GUCY1A2: variants seen among roughly 807,000 people sequenced by gnomAD.
GUCY1A2 encodes the protein guanylate cyclase soluble subunit alpha-2.
Under a neutral mutation model 63.5 loss-of-function variants are expected in GUCY1A2, and 27 were observed. The observed-to-expected ratio is 0.43, with a 90% CI of 0.31 to 0.59. GUCY1A2 has a LOEUF of 0.59. GUCY1A2 is among the 20% of genes least tolerant of loss of function. GUCY1A2 has a pLI of 0.11. For synonymous variants in GUCY1A2, 364 were observed against 343.5 expected, an observed-to-expected ratio of 1.06 and a Z score of -0.66; for missense variants, 768 against 913.3, an observed-to-expected ratio of 0.84 and a Z score of 2.05.
intron 2 of GUCY1A2, among the ~76,000 whole-genome samples, chr11:106,981,153 C>T (rs1861330216): frequency 6.6e-6 from 1 of 152,136 alleles, no homozygotes. Context: ...GAAGCTAGAT[C>T]ATTTTTAGAT....
intron 4 of GUCY1A2, among the ~76,000 whole-genome samples, chr11:106,865,563 C>T (rs550054488): frequency 7.9e-5 from 12 of 152,046 alleles, no homozygotes; most frequent in African/African-American, 2.4e-4. Flanking sequence ...GAAAACCAAA[C>T]ACCGCATGTT....
At chr11:106,971,241 G>GTA (rs1861190773) in intron 3 of GUCY1A2, among the ~76,000 whole-genome samples, 1 of 151,746 alleles carries the variant, frequency 6.6e-6, no homozygotes, top group Admixed American at 6.6e-5. Flanking sequence ...GTGTGTGTGT[G>GTA]TGTTTAGGAG....
intron 7 of GUCY1A2, among the ~76,000 whole-genome samples, chr11:106,694,728 C>T (rs17563662): frequency 0.093 from 14,162 of 152,204 alleles, 885 homozygotes; most frequent in Non-Finnish European, 0.14. Flanking sequence ...GCTGTGGCCA[C>T]GGCTCCTGAC....
chr11:107,001,373 T>C (rs1565356169), intron 1 of GUCY1A2, among the ~76,000 whole-genome samples: 1 of 152,160 alleles, frequency 6.6e-6, no homozygotes, highest in Admixed American at 6.5e-5. Context: ...TAGTATATAA[T>C]GTAAGTTGAC....
chr11:106,865,338 C>T (rs887750276), intron 4 of GUCY1A2, among the ~76,000 whole-genome samples: 1 of 151,912 alleles, frequency 6.6e-6, no homozygotes, highest in African/African-American at 2.4e-5. Context: ...AAACCAGATC[C>T]TGGATTCATT....
chr11:106,951,472 T>G (rs193028588), intron 3 of GUCY1A2, among the ~76,000 whole-genome samples: 6 of 152,366 alleles, frequency 3.9e-5, no homozygotes, highest in Admixed American at 3.9e-4. Context: ...TGCTTTTCAT[T>G]TGCATTTCTC....
intron 7 of GUCY1A2, among the ~76,000 whole-genome samples, chr11:106,696,334 T>C (rs1862718893): frequency 6.6e-6 from 1 of 152,126 alleles, no homozygotes; most frequent in Non-Finnish European, 1.5e-5. Context: ...AAGTGAGAGA[T>C]TAGAAAAGAT....
intron 4 of GUCY1A2, among the ~76,000 whole-genome samples, chr11:106,830,875 A>G (rs1859041425): frequency 6.6e-6 from 1 of 152,206 alleles, no homozygotes; most frequent in Non-Finnish European, 1.5e-5. Flanking sequence ...CACAACAACT[A>G]CTATCAATTA....
chr11:106,792,718 C>G (rs564711427), intron 5 of GUCY1A2, among the ~76,000 whole-genome samples: 1 of 152,068 alleles, frequency 6.6e-6, no homozygotes, highest in Non-Finnish European at 1.5e-5. Context: ...GACAAGGATG[C>G]CTTCTCTTGC....
chr11:106,691,816 A>G (rs1018975602), intron 7 of GUCY1A2, among the ~76,000 whole-genome samples: 2 of 152,210 alleles, frequency 1.3e-5, no homozygotes, highest in East Asian at 3.8e-4. Context: ...AGTAAAAATG[A>G]GAGCACATAA....
intron 4 of GUCY1A2, among the ~76,000 whole-genome samples, chr11:106,819,256 A>G (rs991838260): frequency 3.9e-5 from 6 of 152,210 alleles, no homozygotes; most frequent in Admixed American, 3.9e-4. Flanking sequence ...AAATGACAAC[A>G]AAAGATTTAG....
rs1860719077 is a variant in GUCY1A2, at chr11:106,939,283, C to A, written c.1206+177G>T. Among the ~76,000 whole-genome samples the A allele has an allele frequency of 2.0e-5, 3 of 152,302 alleles. No individual in the cohort carries two copies. The South Asian group carries it at 6.2e-4, about 32-fold the overall frequency. ...ATTAATGGAGGAGGCAGACACTATG[C>A]AAAATGGCTGGGAATGAGGCCAAAT... On this transcript the variant is annotated intron_variant, in intron 4 of 7. Transcript: ENST00000526355.
chr11:106,826,029 T>C (rs1858966201), intron 4 of GUCY1A2, among the ~76,000 whole-genome samples: 1 of 152,210 alleles, frequency 6.6e-6, no homozygotes, highest in South Asian at 2.1e-4. Context: ...CAGCCATATT[T>C]TGACATTTCA....
chr11:106,746,543 C>G, intron 6 of GUCY1A2: 3 of 1,518,864 alleles, frequency 2.0e-6, no homozygotes, highest in Non-Finnish European at 2.7e-6. Context: ...ATAAGTGAAG[C>G]TCATTACCTT....
intron 1 of GUCY1A2, among the ~76,000 whole-genome samples, chr11:107,011,493 T>C (rs1469912577): frequency 6.7e-6 from 1 of 148,222 alleles, no homozygotes; most frequent in African/African-American, 2.5e-5. Flanking sequence ...AAAAGGAATA[T>C]ATAATCAGGA....
chr11:106,732,584 G>A (rs145230907), intron 6 of GUCY1A2, among the ~76,000 whole-genome samples: 1 of 152,174 alleles, frequency 6.6e-6, no homozygotes, highest in African/African-American at 2.4e-5. Flanking sequence ...TGGTGGTAAT[G>A]ATGATGATGA....
intron 1 of GUCY1A2, among the ~76,000 whole-genome samples, chr11:106,995,742 T>A (rs757647750): frequency 2.6e-5 from 4 of 152,228 alleles, no homozygotes; most frequent in Admixed American, 2.0e-4. Flanking sequence ...AAACTGACCA[T>A]GTCTAACATC....
chr11:106,951,449 T>C (rs766409081), intron 3 of GUCY1A2, among the ~76,000 whole-genome samples: 15 of 152,358 alleles, frequency 9.8e-5, no homozygotes, highest in Admixed American at 3.9e-4. Context: ...TGGCGTGAGA[T>C]GGTATCTCAT....
At chr11:106,879,124 GTTAA>G (rs1565318349) in intron 4 of GUCY1A2, among the ~76,000 whole-genome samples, 8 of 152,020 alleles carry the variant, frequency 5.3e-5, no homozygotes, top group Non-Finnish European at 1.0e-4. Context: ...TTTTTAGTGC[GTTAA>G]TTGTCTGAAG....
Sources: allele counts gnomAD v4.1 joint callset (sites outside exome capture counted in the v4.1 genomes callset), GRCh38; gene constraint gnomAD v4.1.1; transcripts MANE v1.5; gene names NCBI Gene and HGNC (gene_info 2026-07-23, HGNC 2026-07-21).